PRELID2: variants seen among roughly 807,000 people sequenced by gnomAD.
PRELID2 encodes PRELI domain-containing protein 2.
Under a neutral mutation model 28.4 loss-of-function variants are expected in PRELID2, and 25 were observed. The ratio of observed to expected loss-of-function variants is 0.88; its 90% CI spans 0.64 to 1.23. The LOEUF (loss-of-function observed/expected upper bound fraction) is 1.23. Among genes scored for constraint, PRELID2 ranks in the 50% most tolerant of loss-of-function variants. The pLI, the probability that PRELID2 is intolerant of heterozygous loss-of-function variation, is 0.00. For synonymous variants in PRELID2, 76 were observed against 71.6 expected, an observed-to-expected ratio of 1.06 and a Z score of -0.31; for missense variants, 201 against 214.4, an observed-to-expected ratio of 0.94 and a Z score of 0.39.
the PRELID2 span, among the ~76,000 whole-genome samples, chr5:145,422,633 G>C: frequency 6.6e-6 from 1 of 151,778 alleles, no homozygotes; most frequent in Non-Finnish European, 1.5e-5. Context: ...GTGTGTCTCT[G>C]CATGTGAGAT....
At chr5:145,369,306 T>C in the PRELID2 span, among the ~76,000 whole-genome samples, 8 of 151,936 alleles carry the variant, frequency 5.3e-5, no homozygotes, top group Non-Finnish European at 4.4e-5. Context: ...CTGGTGTGTG[T>C]TGTTTCCCTC....
chr5:145,819,771 G>A, intron 3 of PRELID2, 174 bp downstream of exon 3: 1 of 610,652 alleles, frequency 1.6e-6, no homozygotes, highest in East Asian at 2.9e-5. Flanking sequence ...ATCTCCAGTG[G>A]CATCTGCTAA....
intron 1 of PRELID2, among the ~76,000 whole-genome samples, chr5:145,507,871 A>T (rs1399190012): frequency 6.6e-6 from 1 of 152,140 alleles, no homozygotes; most frequent in Non-Finnish European, 1.5e-5. Flanking sequence ...GTATTAATCA[A>T]TTAATTTTCC....
chr5:145,332,659 C>T, the PRELID2 span, among the ~76,000 whole-genome samples: 2 of 151,976 alleles, frequency 1.3e-5, no homozygotes, highest in African/African-American at 4.8e-5. Flanking sequence ...TTCTAATTAG[C>T]AATTCTTCTA....
At chr5:145,297,654 A>C in the PRELID2 span, among the ~76,000 whole-genome samples, 4,586 of 151,828 alleles carry the variant, frequency 0.03, 216 homozygotes, top group African/African-American at 0.1. Context: ...AAGGGTATTC[A>C]ATTAGGAAAA....
chr5:145,371,153 G>A, the PRELID2 span, among the ~76,000 whole-genome samples: 2 of 152,108 alleles, frequency 1.3e-5, no homozygotes, highest in African/African-American at 4.8e-5. Flanking sequence ...ATACTATATT[G>A]AATAGCAGTG....
At chr5:145,629,426 T>C (rs1024705032) in intron 1 of PRELID2, among the ~76,000 whole-genome samples, 7 of 152,242 alleles carry the variant, frequency 4.6e-5, no homozygotes, top group Non-Finnish European at 8.8e-5. Context: ...TGCTGGGTCC[T>C]GACCTCCCTT....
intron 1 of PRELID2, among the ~76,000 whole-genome samples, chr5:145,697,080 T>TATATATATATATAC (rs1554084239): frequency 3.5e-5 from 3 of 85,962 alleles, no homozygotes; most frequent in African/African-American, 5.1e-5. Flanking sequence ...TATATATATA[T>TATATATATATATAC]ACACACACAC....
the PRELID2 span, among the ~76,000 whole-genome samples, chr5:145,244,686 T>C: frequency 6.6e-6 from 1 of 152,110 alleles, no homozygotes; most frequent in African/African-American, 2.4e-5. Flanking sequence ...GGGAAGGTCT[T>C]AAATGAATTT....
intron 4 of PRELID2, among the ~76,000 whole-genome samples, chr5:145,798,356 G>A (rs553212901): frequency 1.1e-4 from 17 of 152,178 alleles, no homozygotes; most frequent in African/African-American, 4.1e-4. Flanking sequence ...AAATTTGAGG[G>A]AGGAAATTGG....
chr5:145,430,924 G>T, the PRELID2 span, among the ~76,000 whole-genome samples: 2 of 149,542 alleles, frequency 1.3e-5, no homozygotes, highest in East Asian at 3.9e-4. Flanking sequence ...GTGCTCACTG[G>T]AGGAATTTTT....
intron 1 of PRELID2, among the ~76,000 whole-genome samples, chr5:145,537,542 T>C (rs1752709738): frequency 6.6e-6 from 1 of 151,958 alleles, no homozygotes; most frequent in Non-Finnish European, 1.5e-5. Flanking sequence ...TATCTTGTGG[T>C]TCTGACTTAC....
intron 1 of PRELID2, among the ~76,000 whole-genome samples, chr5:145,686,832 AT>A (rs539532129): frequency 3.6e-4 from 55 of 152,274 alleles, no homozygotes; most frequent in African/African-American, 1.3e-3. Flanking sequence ...TTTAAAAAGA[AT>A]TTTCCAAATA....
chr5:145,702,949 T>C (rs1364454008), intron 1 of PRELID2, among the ~76,000 whole-genome samples: 1 of 152,222 alleles, frequency 6.6e-6, no homozygotes, highest in African/African-American at 2.4e-5. Context: ...ATATAATTAT[T>C]TCCCTTTCTA....
At chr5:145,335,176 C>G in the PRELID2 span, among the ~76,000 whole-genome samples, 49 of 151,714 alleles carry the variant, frequency 3.2e-4, no homozygotes, top group Non-Finnish European at 4.9e-4. Flanking sequence ...TCTTTTTTCT[C>G]CTCTGACTGA....
intron 1 of PRELID2, among the ~76,000 whole-genome samples, chr5:145,639,286 G>T (rs996740598): frequency 2.0e-5 from 3 of 152,114 alleles, no homozygotes; most frequent in African/African-American, 7.2e-5. Flanking sequence ...ATAAAGATGT[G>T]GAGGAAAGTA....
At chr5:145,373,489 TATG>T in the PRELID2 span, among the ~76,000 whole-genome samples, 3 of 30,716 alleles carry the variant, frequency 9.8e-5, 1 homozygote, top group Non-Finnish European at 1.0e-4. Flanking sequence ...ATATAATATA[TATG>T]ATATTATATA....
chr5:145,518,138 A>T lies in PRELID2; in HGVS notation n.71-44823T>A, dbSNP rs1441476820. Among the ~76,000 whole-genome samples the T allele has an allele frequency of 7.7e-4, 15 of 19,558 alleles. No homozygotes were observed. In the African/African-American group the frequency reaches 8.7e-3, roughly 11 times the overall value. The allele number at this position is 19,558 out of a possible 152,430, so 12.8% of individuals were successfully genotyped here. A position where few individuals can be genotyped will look rare whatever the true frequency, so the allele number is the denominator to read the frequency against. On this transcript the variant is annotated intron_variant and non_coding_transcript_variant, in intron 1 of 2. Transcript: ENST00000510259. The stretch of plus-strand genomic sequence containing the variant: ...AAATGTGTCCCAGAACTTGAAGTAT[A>T]ATAATAATAATAATAATAATAATAA...
chr5:145,791,851 C>T (rs978265621), intron 5 of PRELID2, among the ~76,000 whole-genome samples: 2 of 152,102 alleles, frequency 1.3e-5, no homozygotes, highest in African/African-American at 4.8e-5. Flanking sequence ...AAAGAGGATA[C>T]GTCATTACAG....
Sources: allele counts gnomAD v4.1 joint callset (sites outside exome capture counted in the v4.1 genomes callset), GRCh38; gene constraint gnomAD v4.1.1; transcripts MANE v1.5; gene names NCBI Gene and HGNC (gene_info 2026-07-23, HGNC 2026-07-21).